TLL2: variants seen among roughly 807,000 people sequenced by gnomAD.
TLL2 encodes the protein tolloid like 2, also known as tolloid-like protein 2.
TLL2 carries 106 observed loss-of-function variants against 123.0 expected under a neutral mutation model. The observed-to-expected ratio is 0.86, with a 90% CI of 0.74 to 1.01. The LOEUF is 1.01. TLL2 is among the 50% of genes least tolerant of loss of function. The pLI is 0.00. For missense variants in TLL2, 1,332 were observed against 1,336.7 expected (o/e 1.00, Z 0.06); for synonymous variants, 494 against 516.8 (o/e 0.96, Z 0.60).
rs143643086 is a variant in TLL2, at chr10:96,373,630, C to T, written c.2628G>A (p.Val876=). Residue 876 remains valine, a synonymous_variant, in exon 19 of 21, where the codon GTG becomes GTA. Coordinates refer to ENST00000357947, the MANE Select transcript of TLL2 (RefSeq NM_012465.4). The part of the protein sequence containing the change: ...MFLRFYSDAS[V]QRKGFQAVHS... ...GCACTGCCTGGAAGCCTTTCCTCTG[C>T]ACTGAGGCATCCGAATAAAACCTGA... 619 of 1,614,254 alleles carry T rather than the reference C, an allele frequency of 3.8e-4. 2 individuals carry two copies. The highest frequency in any genetic ancestry group is 2.1e-3 in the Middle Eastern group (13 of 6,062).
chr10:96,384,632 CG>C lies in TLL2; in HGVS notation c.2148del (p.Asp717ThrfsTer98). On this transcript the variant is annotated frameshift_variant, in exon 16 of 21. Coordinates refer to ENST00000357947, the MANE Select transcript of TLL2 (RefSeq NM_012465.4). LOFTEE classifies it high-confidence loss of function. ...AAGCCGCGCTTGGAGACGGTGTTGT[CG>C]GACTTGAACTCCACGCGCATGTTGT... ...QSNNMRVEFK[S>X]DNTVSKRGFR... The C allele has an allele frequency of 1.2e-6, 2 of 1,608,028 alleles. No homozygotes were observed. Among genetic ancestry groups the C allele is most frequent in the Non-Finnish European group, 1.7e-6 (2 of 1,175,974 alleles).
In TLL2 at chr10:96,366,747, A is replaced by T. The variant is rs1846032609; in HGVS notation, c.*1341T>A. On this transcript the variant is annotated 3_prime_UTR_variant, in exon 21 of 21. Coordinates refer to ENST00000357947, the MANE Select transcript of TLL2 (RefSeq NM_012465.4). ...TGCCGCCCTGCGTCCAACAACAACC[A>T]AACAGGACTTACAGTTATGTAAACA... 1 of 152,582 alleles carries T rather than the reference A, an allele frequency of 6.6e-6. No homozygotes were observed. Among genetic ancestry groups the T allele is most frequent in the African/African-American group, 2.4e-5 (1 of 41,474 alleles). 9.5% of individuals were successfully genotyped at this position (152,582 alleles called of 1,614,324 possible).
intron 1 of TLL2, among the ~76,000 whole-genome samples, chr10:96,511,826 G>A (rs376310825): frequency 6.6e-6 from 1 of 152,210 alleles, no homozygotes; most frequent in Non-Finnish European, 1.5e-5. Flanking sequence ...GTCACACCCA[G>A]CAGGGTCTAG....
Position 96,497,272 on chromosome 10 carries a change from ACT to A in TLL2, c.175+16237_175+16238del, listed in dbSNP as rs575997082. On this transcript the variant is annotated intron_variant, in intron 1 of 20. Coordinates refer to ENST00000357947, the MANE Select transcript of TLL2 (RefSeq NM_012465.4). ...ACTCCAGTCTGGGCAACAGAATGAG[ACT>A]CTGTCTCAAAAAACAAAAACAAAAC... 2.3e-4 allele frequency among the ~76,000 whole-genome samples: 35 copies of A among 152,252 alleles called. No homozygotes were observed. In the South Asian group the frequency reaches 6.8e-3, roughly 30 times the overall value.
At chr10:96,513,281 A>G (rs1847649600) in intron 1 of TLL2, among the ~76,000 whole-genome samples, 2 of 152,186 alleles carry the variant, frequency 1.3e-5, no homozygotes, top group South Asian at 4.1e-4. Flanking sequence ...CGCTTTGGGA[A>G]CGCGCCAGCT....
intron 5 of TLL2, among the ~76,000 whole-genome samples, chr10:96,424,731 C>T (rs1397110691): frequency 6.6e-6 from 1 of 151,622 alleles, no homozygotes; most frequent in African/African-American, 2.4e-5. Context: ...GTATTTTGCT[C>T]ACTTTGTTAG....
At chr10:96,416,535 C>T (rs1007742311) in intron 7 of TLL2, among the ~76,000 whole-genome samples, 1 of 152,232 alleles carries the variant, frequency 6.6e-6, no homozygotes, top group African/African-American at 2.4e-5. Flanking sequence ...CATGGAGAGG[C>T]AGGCCAGGAG....
intron 7 of TLL2, among the ~76,000 whole-genome samples, chr10:96,417,466 A>T (rs58953356): frequency 0.012 from 1,767 of 152,318 alleles, 35 homozygotes; most frequent in African/African-American, 0.04. Context: ...CTAATAGCCA[A>T]ATCCTACTGC....
intron 1 of TLL2, among the ~76,000 whole-genome samples, chr10:96,494,725 C>T (rs1847453920): frequency 6.6e-6 from 1 of 152,260 alleles, no homozygotes; most frequent in Admixed American, 6.5e-5. Flanking sequence ...GTACTGGAAG[C>T]TGTGTGCTTC....
chr10:96,377,397 A>G (rs1013957038), intron 17 of TLL2, among the ~76,000 whole-genome samples: 3 of 152,186 alleles, frequency 2.0e-5, no homozygotes, highest in Non-Finnish European at 4.4e-5. Flanking sequence ...TTACAGTGCT[A>G]TTTGCCAAGA....
chr10:96,459,586 C>T (rs572015829), intron 2 of TLL2, among the ~76,000 whole-genome samples: 13 of 141,968 alleles, frequency 9.2e-5, no homozygotes, highest in Non-Finnish European at 3.0e-5. Flanking sequence ...AGAAGAATCA[C>T]GTGAATCTGT....
At chr10:96,484,461 T>C (rs535819736) in intron 1 of TLL2, among the ~76,000 whole-genome samples, 1 of 152,152 alleles carries the variant, frequency 6.6e-6, no homozygotes, top group African/African-American at 2.4e-5. Context: ...TCTGTATTCA[T>C]ATTCTGGCTT....
At chr10:96,510,531 A>C (rs1847618884) in intron 1 of TLL2, among the ~76,000 whole-genome samples, 1 of 152,228 alleles carries the variant, frequency 6.6e-6, no homozygotes. Flanking sequence ...TTTCTAGAAA[A>C]TCCATTTATA....
chr10:96,501,772 G>A (rs1847535842), intron 1 of TLL2, among the ~76,000 whole-genome samples: 3 of 152,192 alleles, frequency 2.0e-5, no homozygotes, highest in Admixed American at 2.0e-4. Flanking sequence ...TCCCTCACCA[G>A]GAAGTCTTCC....
intron 2 of TLL2, among the ~76,000 whole-genome samples, chr10:96,449,843 A>T (rs568787213): frequency 1.3e-5 from 2 of 151,624 alleles, no homozygotes; most frequent in South Asian, 2.1e-4. Context: ...ATCTGGCCAA[A>T]CCCTACTGGT....
chr10:96,474,304 T>G (rs899317037), intron 2 of TLL2, among the ~76,000 whole-genome samples: 2 of 152,074 alleles, frequency 1.3e-5, no homozygotes, highest in Non-Finnish European at 2.9e-5. Context: ...AAATAGCAGT[T>G]CTCTCCATCC....
At position 96,411,838 on chromosome 10, in the gene TLL2, C is replaced by T. The variant is rs1164416106; in HGVS notation, c.1048+1354G>A. 3.3e-5 allele frequency among the ~76,000 whole-genome samples: 5 copies of T among 152,212 alleles called. 1 individual carries two copies. The South Asian group carries it at 6.2e-4, about 19-fold the overall frequency. ...GGATATGTGGAGAACTGCCCATTAT[C>T]GGCCTCAGGAAATCCTGGATGTCGG... is the stretch of plus-strand genomic sequence containing the variant. On this transcript the variant is annotated intron_variant, in intron 8 of 20. Coordinates refer to ENST00000357947, the MANE Select transcript of TLL2 (RefSeq NM_012465.4).
chr10:96,394,510 C>G (rs776666109), intron 13 of TLL2, among the ~76,000 whole-genome samples: 2 of 152,206 alleles, frequency 1.3e-5, no homozygotes, highest in Non-Finnish European at 2.9e-5. Context: ...TACAGAGCAG[C>G]AGGTCCCCAG....
At chr10:96,411,452 C>G (rs971824089) in intron 8 of TLL2, among the ~76,000 whole-genome samples, 5 of 152,168 alleles carry the variant, frequency 3.3e-5, no homozygotes, top group African/African-American at 1.2e-4. Context: ...CTGGAATCTT[C>G]TATAGCAGGC....
Sources: gnomAD v4.1 joint callset for allele counts (sites outside exome capture counted in the v4.1 genomes callset) on GRCh38, gnomAD v4.1.1 for gene constraint, MANE v1.5 for transcripts, NCBI Gene and HGNC (gene_info 2026-07-23, HGNC 2026-07-21) for gene names.